Variants in RADIL observed in about 807,000 individuals in gnomAD.
The protein encoded by RADIL is ras-associating and dilute domain-containing protein.
In RADIL, 99 loss-of-function variants were observed where a neutral mutation model predicts 97.6. That is an observed-to-expected ratio of 1.01 (90% CI 0.86 to 1.20). The LOEUF is 1.20. RADIL is among the 50% of genes most tolerant of loss of function. RADIL has a pLI of 0.00. For missense variants in RADIL, 1,765 were observed against 1,498.9 expected (o/e 1.18, Z -2.93); for synonymous variants, 803 against 691.8 (o/e 1.16, Z -2.52).
chr7:4,860,805 T>A (rs1240279333), intron 2 of RADIL: 2 of 1,614,040 alleles, frequency 1.2e-6, no homozygotes, highest in Non-Finnish European at 8.5e-7. Context: ...ATCATGACCA[T>A]CCTGGTTGAA....
rs1782653266 is a variant in RADIL, at chr7:4,815,475, A to G, written c.1967-25T>C. On this transcript the variant is annotated intron_variant, in intron 8 of 14. Coordinates refer to ENST00000399583, the MANE Select transcript of RADIL (RefSeq NM_018059.5). The surrounding 1 kb of genome is among the most constrained non-coding windows in gnomAD (Gnocchi z 8.0). ...CCTGTGGAGGGAAGAAGGGAGGGTG[A>G]TGCCTGGGCTGCCCTCCTGGGGGGA... 6.8e-7 allele frequency: 1 copy of G among 1,476,316 alleles called. No homozygotes were observed. The highest frequency in any genetic ancestry group is 1.4e-5 in the African/African-American group (1 of 71,546). The allele number at this position is 1,476,316 out of a possible 1,614,324, so 91.5% of individuals were successfully genotyped here. A position where few individuals can be genotyped will look rare whatever the true frequency, so the allele number is the denominator to read the frequency against.
In RADIL at chr7:4,836,615, A is replaced by T. The variant is rs1783307616; in HGVS notation, c.536-10T>A. 1 of 1,605,558 alleles carries T rather than the reference A, an allele frequency of 6.2e-7. No homozygotes were observed. On this transcript the variant is annotated splice_polypyrimidine_tract_variant and intron_variant, in intron 2 of 14. Transcript: ENST00000399583. ...GCCTGGGCGTTTATCCCTGGAACAG[A>T]AGCAACACAAGGTGAACAGTTAGAA...
Position 4,822,114 on chromosome 7 carries a change from G to A in RADIL, c.1615+280C>T, listed in dbSNP as rs1002166071. The stretch of plus-strand genomic sequence containing the variant: ...CCTGCAAGCAGAAGAGTGGGGCTGC[G>A]GTCAAGGGGACGCCACCGCACGGAG... On this transcript the variant is annotated intron_variant, in intron 6 of 14. Coordinates refer to ENST00000399583, the MANE Select transcript of RADIL (RefSeq NM_018059.5). This position sits in a 1 kb window ranked among gnomAD's most constrained non-coding sequence, Gnocchi z 5.3. Among the ~76,000 whole-genome samples, 28 of 152,000 alleles carry A rather than the reference G, an allele frequency of 1.8e-4. No individual in the cohort carries two copies. The highest frequency in any genetic ancestry group is 5.6e-4 in the African/African-American group (23 of 41,402).
Position 4,837,877 on chromosome 7 carries a change from TC to T in RADIL, c.536-1273del. On this transcript the variant is annotated intron_variant, in intron 2 of 14. Coordinates refer to ENST00000399583, the MANE Select transcript of RADIL (RefSeq NM_018059.5). This position sits in a 1 kb window ranked among gnomAD's most constrained non-coding sequence, Gnocchi z 5.6. ...GTCTTTTCTGAGCCCTCTGCTGAGTTCCCTGTACGCAGCCTTTCAGGTTAAG... is the reference window on the plus strand; with the variant it reads ...GTCTTTTCTGAGCCCTCTGCTGAGTTCCTGTACGCAGCCTTTCAGGTTAAG... 1.0e-6 allele frequency: 1 copy of T among 985,436 alleles called. No individual in the cohort carries two copies. Among genetic ancestry groups the T allele is most frequent in the Non-Finnish European group, 1.2e-6 (1 of 829,932 alleles). 61.0% of individuals were successfully genotyped at this position (985,436 alleles called of 1,614,324 possible). A position where few individuals can be genotyped will look rare whatever the true frequency, so the allele number is the denominator to read the frequency against.
At position 4,877,961 on chromosome 7, in the gene RADIL, G is replaced by C; in HGVS notation, c.179C>G (p.Ser60Trp). 6.2e-7 allele frequency: 1 copy of C among 1,611,178 alleles called. No individual in the cohort carries two copies. Among genetic ancestry groups the C allele is most frequent in the South Asian group, 1.1e-5 (1 of 91,078 alleles). The change falls in exon 2 of 15, where the codon TCG becomes TGG. Residue 60 changes from serine (S) to tryptophan (W), a missense_variant. Coordinates refer to ENST00000399583, the MANE Select transcript of RADIL (RefSeq NM_018059.5). ...DDPAELSTQL[S>W]APGVLKVFGD... is the part of the protein sequence containing the mutation. Reference sequence around the variant, plus strand: ...AAACACCTTCAGGACACCAGGGGCCGACAGCTGGGTGGAGAGCTCGGCGGG... The same window carrying C: ...AAACACCTTCAGGACACCAGGGGCCCACAGCTGGGTGGAGAGCTCGGCGGG...
intron 6 of RADIL, among the ~76,000 whole-genome samples, chr7:4,820,828 T>G (rs971907263): frequency 1.3e-5 from 2 of 152,154 alleles, no homozygotes; most frequent in African/African-American, 4.8e-5. Flanking sequence ...CGACGCATTG[T>G]GGGAGCCTGT....
chr7:4,808,483 A>T, intron 9 of RADIL: 2 of 680,934 alleles, frequency 2.9e-6, no homozygotes, highest in Non-Finnish European at 3.6e-6. Context: ...CTATTTTTAT[A>T]GGGCCCCCAA....
rs569802479 is a variant in RADIL, at chr7:4,803,807, G to A, written c.2291-53C>T. On this transcript the variant is annotated intron_variant, in intron 10 of 14. Coordinates refer to ENST00000399583, the MANE Select transcript of RADIL (RefSeq NM_018059.5). ...GGCCACAGGAGAAGCTGCCTCCCTC[G>A]CCAGGCCGCCCCGCCCAACGGTGTG... 64 of 1,475,454 alleles carry A rather than the reference G, an allele frequency of 4.3e-5. 1 individual carries two copies. In the African/African-American group the frequency reaches 5.7e-4, roughly 13 times the overall value. 91.4% of individuals were successfully genotyped at this position (1,475,454 alleles called of 1,614,324 possible).
rs561922592 is a variant in RADIL, at chr7:4,824,386, C to G, written c.1455-1832G>C. Among the ~76,000 whole-genome samples the G allele has an allele frequency of 1.2e-3, 182 of 152,326 alleles. No individual in the cohort carries two copies. The highest frequency in any genetic ancestry group is 4.2e-3 in the African/African-American group (174 of 41,582). On this transcript the variant is annotated intron_variant, in intron 5 of 14. Coordinates refer to ENST00000399583, the MANE Select transcript of RADIL (RefSeq NM_018059.5). The surrounding 1 kb of genome is among the most constrained non-coding windows in gnomAD (Gnocchi z 6.7). ...CCGGCCTGGGGTCCTTTGAAAGGTG[C>G]CAAGCCCACAGGAAATGCCACCAGG...
At chr7:4,865,718 C>A (rs183343692) in intron 2 of RADIL, 1 of 1,035,240 alleles carries the variant, frequency 9.7e-7, no homozygotes, top group Non-Finnish European at 1.5e-6. Flanking sequence ...CCATCTTCTA[C>A]GGGGTGGGTG....
chr7:4,839,244 A>G (rs1022914834), intron 2 of RADIL, among the ~76,000 whole-genome samples: 2 of 152,198 alleles, frequency 1.3e-5, no homozygotes, highest in African/African-American at 4.8e-5. Context: ...TTTTTACCCC[A>G]AAGTCATTCA....
chr7:4,851,453 A>C (rs1011246187), intron 2 of RADIL, among the ~76,000 whole-genome samples: 9 of 152,208 alleles, frequency 5.9e-5, no homozygotes, highest in African/African-American at 1.9e-4. Context: ...ACCTCAGAGA[A>C]AGGCAAAATT....
At position 4,870,118 on chromosome 7, in the gene RADIL, C is replaced by T. The variant is rs188890126; in HGVS notation, c.535+7487G>A. ...TTGCACCACTGCACGCTAGCCTGGG[C>T]AACAGAGTAAGTCCCTGTCTCAAAC... On this transcript the variant is annotated intron_variant, in intron 2 of 14. Coordinates refer to ENST00000399583, the MANE Select transcript of RADIL (RefSeq NM_018059.5). 2.0e-5 allele frequency among the ~76,000 whole-genome samples: 3 copies of T among 152,274 alleles called. No individual in the cohort carries two copies. In the East Asian group the frequency reaches 5.8e-4, roughly 29 times the overall value.
intron 2 of RADIL, chr7:4,865,596 T>C (rs915681614): frequency 1.2e-6 from 1 of 800,480 alleles, no homozygotes. Context: ...GTCACAGTGA[T>C]CTTGCTCTTG....
chr7:4,868,925 G>A lies in RADIL; in HGVS notation c.535+8680C>T, dbSNP rs557602087. Among the ~76,000 whole-genome samples the A allele has an allele frequency of 6.6e-5, 10 of 152,200 alleles. No individual in the cohort carries two copies. In the South Asian group the frequency reaches 1.2e-3, roughly 19 times the overall value. ...GCAGATCATTTGAGGTCAGGAGTTC[G>A]AGACCAGCCTGACTAACATGGTGAA... On this transcript the variant is annotated intron_variant, in intron 2 of 14. Transcript: ENST00000399583.
intron 2 of RADIL, chr7:4,858,764 A>G (rs1275587998): frequency 1.3e-5 from 2 of 152,408 alleles, no homozygotes; most frequent in African/African-American, 4.8e-5. Context: ...ATCATAACCA[A>G]TATTTGGTGT....
At chr7:4,838,622 G>A (rs548854009) in intron 2 of RADIL, among the ~76,000 whole-genome samples, 6 of 152,282 alleles carry the variant, frequency 3.9e-5, no homozygotes, top group Admixed American at 1.3e-4. Flanking sequence ...ATGCTGACAC[G>A]CAGGGGCCAC....
At position 4,879,615 on chromosome 7, in the gene RADIL, A is replaced by C. The variant is rs1784444206; in HGVS notation, c.-64-1412T>G. On this transcript the variant is annotated intron_variant, in intron 1 of 14. Coordinates refer to ENST00000399583, the MANE Select transcript of RADIL (RefSeq NM_018059.5). The surrounding 1 kb of genome is among the most constrained non-coding windows in gnomAD (Gnocchi z 4.1). ...TCAGTACTAAACACCGCAGCAGCCA[A>C]CTGTCACTGTCCAGGCTTGACTCAC... Among the ~76,000 whole-genome samples the C allele has an allele frequency of 6.6e-6, 1 of 152,138 alleles. No individual in the cohort carries two copies. The highest frequency in any genetic ancestry group is 1.5e-5 in the Non-Finnish European group (1 of 68,026).
chr7:4,829,113 A>T (rs1161211315), intron 5 of RADIL, among the ~76,000 whole-genome samples: 1 of 151,632 alleles, frequency 6.6e-6, no homozygotes, highest in African/African-American at 2.4e-5. Context: ...TCCCATGCAA[A>T]CTTCTCCTCA....
Sources: gnomAD v4.1 joint callset for allele counts (sites outside exome capture counted in the v4.1 genomes callset) on GRCh38, gnomAD v4.1.1 for gene constraint, Gnocchi (gnomAD v3.1) non-coding constraint, MANE v1.5 for transcripts, NCBI Gene and HGNC (gene_info 2026-07-23, HGNC 2026-07-21) for gene names.